The following KLHL1 variants were observed in gnomAD, a reference collection of about 807,000 sequenced individuals.
KLHL1 encodes kelch-like protein 1.
Under a neutral mutation model 77.7 loss-of-function variants are expected in KLHL1, and 47 were observed. That is an observed-to-expected ratio of 0.60 (90% confidence interval 0.48 to 0.77). KLHL1 has a LOEUF of 0.77. Among genes scored for constraint, KLHL1 ranks in the 30% least tolerant of loss-of-function variants. The pLI, the probability that KLHL1 is intolerant of heterozygous loss-of-function variation, is 0.00. For synonymous variants in KLHL1, 360 were observed against 325.2 expected (o/e 1.11, Z -1.15); for missense variants, 925 against 910.8 (o/e 1.02, Z -0.20).
At chr13:70,044,317 GCTCAA>G (rs1275638389) in intron 1 of KLHL1, among the ~76,000 whole-genome samples, 1 of 152,054 alleles carries the variant, frequency 6.6e-6, no homozygotes, top group Admixed American at 6.6e-5. Context: ...TTACATCTCT[GCTCAA>G]ATGAAATCTC....
intron 7 of KLHL1, among the ~76,000 whole-genome samples, chr13:69,785,137 C>T (rs188628590): frequency 0.066 from 10,020 of 151,838 alleles, 463 homozygotes; most frequent in Non-Finnish European, 0.099. Context: ...CGTGATCCGC[C>T]CGCCTTGGCC....
chr13:69,757,098 C>A (rs1000533161), intron 7 of KLHL1, among the ~76,000 whole-genome samples: 1 of 151,962 alleles, frequency 6.6e-6, no homozygotes, highest in Non-Finnish European at 1.5e-5. Flanking sequence ...GAAATTTTAC[C>A]CAGTCCAAGC....
intron 7 of KLHL1, among the ~76,000 whole-genome samples, chr13:69,795,756 G>A (rs968209931): frequency 6.6e-6 from 1 of 152,124 alleles, no homozygotes; most frequent in Non-Finnish European, 1.5e-5. Context: ...TGCACATCGA[G>A]ATCCGAATCC....
At chr13:69,936,254 T>C (rs1400097408) in intron 4 of KLHL1, among the ~76,000 whole-genome samples, 1 of 152,006 alleles carries the variant, frequency 6.6e-6, no homozygotes, top group Non-Finnish European at 1.5e-5. Context: ...GAAAAATGCC[T>C]GGGTAGCAGC....
intron 7 of KLHL1, among the ~76,000 whole-genome samples, chr13:69,748,617 T>A (rs1874327838): frequency 6.6e-6 from 1 of 151,942 alleles, no homozygotes; most frequent in East Asian, 1.9e-4. Flanking sequence ...CAGTATGACA[T>A]CAGAGAACGA....
At chr13:70,056,582 A>G (rs1886750462) in intron 1 of KLHL1, among the ~76,000 whole-genome samples, 1 of 152,182 alleles carries the variant, frequency 6.6e-6, no homozygotes. Context: ...TGGCCACAAA[A>G]CAAATCTTAA....
intron 1 of KLHL1, among the ~76,000 whole-genome samples, chr13:70,002,942 A>G (rs1184820427): frequency 2.0e-5 from 3 of 151,702 alleles, no homozygotes; most frequent in African/African-American, 4.8e-5. Flanking sequence ...TAGGGAAAAT[A>G]AGATACACAC....
intron 7 of KLHL1, among the ~76,000 whole-genome samples, chr13:69,780,713 T>TATATATATATAC (rs1566243678): frequency 1.5e-4 from 5 of 32,962 alleles, no homozygotes; most frequent in Non-Finnish European, 2.7e-4. Context: ...TATATATATA[T>TATATATATATAC]ATGTATATAT....
intron 1 of KLHL1, among the ~76,000 whole-genome samples, chr13:70,096,928 A>G (rs1887806391): frequency 6.6e-6 from 1 of 152,016 alleles, no homozygotes; most frequent in Non-Finnish European, 1.5e-5. Flanking sequence ...AGTATAATCT[A>G]GATTCCACAG....
chr13:70,050,647 A>G lies in KLHL1; in HGVS notation c.497+56556T>C, dbSNP rs1886607678. Among the ~76,000 whole-genome samples the G allele has an allele frequency of 3.3e-5, 5 of 152,112 alleles. No individual in the cohort carries two copies. In the South Asian group the frequency reaches 1.0e-3, roughly 31 times the overall value. ...CAGATTTTGATTACAATTTTTTTATATCTGAGTTTAATTATGATGATGCAA... is the reference window on the plus strand; with the variant it reads ...CAGATTTTGATTACAATTTTTTTATGTCTGAGTTTAATTATGATGATGCAA... On this transcript the variant is annotated intron_variant, in intron 1 of 10. Coordinates refer to ENST00000377844, the MANE Select transcript of KLHL1 (RefSeq NM_020866.3).
At chr13:69,982,031 C>T (rs527584700) in intron 1 of KLHL1, among the ~76,000 whole-genome samples, 107 of 151,806 alleles carry the variant, frequency 7.0e-4, no homozygotes, top group Non-Finnish European at 1.4e-3. Context: ...TGTGTTTTTG[C>T]TTGTTTCTTT....
intron 5 of KLHL1, among the ~76,000 whole-genome samples, chr13:69,857,512 T>C (rs1879966717): frequency 6.6e-6 from 1 of 152,090 alleles, no homozygotes; most frequent in Non-Finnish European, 1.5e-5. Flanking sequence ...GAATAAATAA[T>C]ACGTTTAAAA....
At chr13:69,724,393 A>G (rs1873206672) in intron 8 of KLHL1, among the ~76,000 whole-genome samples, 1 of 152,138 alleles carries the variant, frequency 6.6e-6, no homozygotes, top group South Asian at 2.1e-4. Flanking sequence ...CCTGTCTAAG[A>G]AATTTTGGGT....
intron 1 of KLHL1, among the ~76,000 whole-genome samples, chr13:70,070,321 A>T (rs1402158822): frequency 6.6e-6 from 1 of 152,038 alleles, no homozygotes; most frequent in Non-Finnish European, 1.5e-5. Context: ...ACTTCAGAAA[A>T]TCAAGGAGAA....
At chr13:69,709,471 G>A (rs1377824326) in intron 9 of KLHL1, among the ~76,000 whole-genome samples, 1 of 151,986 alleles carries the variant, frequency 6.6e-6, no homozygotes, top group Non-Finnish European at 1.5e-5. Context: ...TAAGTTAAAT[G>A]CGAGTTAGAA....
At chr13:69,746,757 G>C (rs775118234) in intron 7 of KLHL1, among the ~76,000 whole-genome samples, 1 of 151,964 alleles carries the variant, frequency 6.6e-6, no homozygotes, top group East Asian at 1.9e-4. Flanking sequence ...ATCACATAAG[G>C]CTCACACAAA....
chr13:70,031,173 G>T (rs1167969876), intron 1 of KLHL1, among the ~76,000 whole-genome samples: 2 of 152,140 alleles, frequency 1.3e-5, no homozygotes, highest in Non-Finnish European at 2.9e-5. Flanking sequence ...ATGGAATGAA[G>T]GCAGAAATGG....
intron 5 of KLHL1, among the ~76,000 whole-genome samples, chr13:69,855,391 T>C (rs1464154626): frequency 0.035 from 5,208 of 150,136 alleles, 157 homozygotes; most frequent in Non-Finnish European, 0.044. Context: ...TAGATAGAGA[T>C]AGAGATAGAT....
At chr13:69,721,089 A>ATATATATATATATATATATATACAAATT (rs1256189383) in intron 8 of KLHL1, among the ~76,000 whole-genome samples, 3 of 77,986 alleles carry the variant, frequency 3.8e-5, no homozygotes, top group South Asian at 6.8e-4. Context: ...AAAGCTATGT[A>ATATATATATATATATATATATACAAATT]CCTCCCTTAC....
Sources: gnomAD v4.1 joint callset for allele counts (sites outside exome capture counted in the v4.1 genomes callset) on GRCh38, gnomAD v4.1.1 for gene constraint, MANE v1.5 for transcripts, NCBI Gene and HGNC (gene_info 2026-07-23, HGNC 2026-07-21) for gene names.